Variants in FBXL17 observed in about 807,000 individuals in gnomAD.
The protein encoded by FBXL17 is F-box and leucine rich repeat protein 17.
In FBXL17, 22 loss-of-function variants were observed where a neutral mutation model predicts 66.2. The observed-to-expected ratio is 0.33, with a 90% CI of 0.24 to 0.47. The LOEUF (loss-of-function observed/expected upper bound fraction) is 0.47. Among genes scored for constraint, FBXL17 ranks in the 20% least tolerant of loss-of-function variants. The probability of loss-of-function intolerance (pLI) is 1.00; values close to 1 mark genes in which losing one functional copy is unlikely to be tolerated. For synonymous variants in FBXL17, 474 were observed against 400.5 expected (o/e 1.18, Z -2.19); for missense variants, 878 against 948.2 (o/e 0.93, Z 0.97).
chr5:108,272,868 T>C (rs560503950), intron 4 of FBXL17, among the ~76,000 whole-genome samples: 31 of 152,340 alleles, frequency 2.0e-4, no homozygotes, highest in Middle Eastern at 3.4e-3. Flanking sequence ...GAGTATGGTA[T>C]GAAAAACATA....
At chr5:108,222,577 A>C (rs769081484) in intron 5 of FBXL17, among the ~76,000 whole-genome samples, 1 of 152,082 alleles carries the variant, frequency 6.6e-6, no homozygotes, top group Non-Finnish European at 1.5e-5. Context: ...CTACAACCAC[A>C]GGCTCTCTTT....
chr5:108,287,315 C>A (rs908492326), intron 4 of FBXL17, among the ~76,000 whole-genome samples: 1 of 151,972 alleles, frequency 6.6e-6, no homozygotes, highest in Non-Finnish European at 1.5e-5. Flanking sequence ...AAACTACTGA[C>A]AGAGTAAACA....
intron 6 of FBXL17, among the ~76,000 whole-genome samples, chr5:108,036,093 C>G (rs1746830417): frequency 6.6e-6 from 1 of 152,194 alleles, no homozygotes; most frequent in Admixed American, 6.5e-5. Flanking sequence ...GCTGACCGTA[C>G]TGGCACCAGT....
At chr5:108,229,620 G>T (rs139901635) in intron 4 of FBXL17, among the ~76,000 whole-genome samples, 2,335 of 152,258 alleles carry the variant, frequency 0.015, 68 homozygotes, top group African/African-American at 0.052. Context: ...AATTCTAGAA[G>T]ATAACATCGG....
rs141341459 is a variant in FBXL17, at chr5:108,119,068, C to T, written c.1745+67049G>A. ...CAAATTGCTGCAATTATTTGCTTTA[C>T]ATAGCTGCCATACCCACTAAGACTG... is the stretch of plus-strand genomic sequence containing the variant. On this transcript the variant is annotated intron_variant, in intron 6 of 8. Transcript: ENST00000542267. Among the ~76,000 whole-genome samples, 24 of 152,252 alleles carry T rather than the reference C, an allele frequency of 1.6e-4. No individual in the cohort carries two copies. The Middle Eastern group carries it at 0.01, about 65-fold the overall frequency.
chr5:108,166,413 A>G (rs1342357534), intron 6 of FBXL17, among the ~76,000 whole-genome samples: 6 of 152,212 alleles, frequency 3.9e-5, no homozygotes, highest in Non-Finnish European at 1.5e-5. Flanking sequence ...ACACCTCTGT[A>G]TTTTAACATA....
At chr5:108,176,089 C>T (rs1259482288) in intron 6 of FBXL17, among the ~76,000 whole-genome samples, 1 of 152,128 alleles carries the variant, frequency 6.6e-6, no homozygotes, top group African/African-American at 2.4e-5. Context: ...TTTGTCCAAG[C>T]AGTCAATAAG....
chr5:107,980,664 A>ATATATATATATATATTTTTTTTTTTT, intron 7 of FBXL17, among the ~76,000 whole-genome samples: 21 of 62,028 alleles, frequency 3.4e-4, no homozygotes, highest in Non-Finnish European at 4.9e-4. Context: ...ATATATATAT[A>ATATATATATATATATTTTTTTTTTTT]TTTTTTTTTT....
chr5:108,310,261 T>C (rs1759053307), intron 4 of FBXL17, among the ~76,000 whole-genome samples: 1 of 152,172 alleles, frequency 6.6e-6, no homozygotes, highest in African/African-American at 2.4e-5. Context: ...AGGACTGCAA[T>C]GCTAAGAGAA....
intron 4 of FBXL17, among the ~76,000 whole-genome samples, chr5:108,226,289 A>G (rs1240184830): frequency 6.6e-6 from 1 of 152,222 alleles, no homozygotes; most frequent in African/African-American, 2.4e-5. Flanking sequence ...ATCGGCACCT[A>G]GAATAATCCC....
intron 7 of FBXL17, among the ~76,000 whole-genome samples, chr5:107,992,059 A>G (rs1216792023): frequency 6.6e-6 from 1 of 151,176 alleles, no homozygotes; most frequent in Non-Finnish European, 1.5e-5. Context: ...TGAGATAAAA[A>G]TTATACATGC....
At chr5:108,102,890 A>T (rs1182278226) in intron 6 of FBXL17, among the ~76,000 whole-genome samples, 1 of 152,110 alleles carries the variant, frequency 6.6e-6, no homozygotes, top group Admixed American at 6.5e-5. Context: ...TTCTCATGGC[A>T]TTTTTTTCTG....
intron 7 of FBXL17, among the ~76,000 whole-genome samples, chr5:107,965,019 C>T (rs79522323): frequency 0.011 from 1,622 of 152,090 alleles, 10 homozygotes; most frequent in African/African-American, 0.017. Context: ...AGTGTTTTAC[C>T]GCATTTGACA....
chr5:108,260,550 A>G (rs1055677602), intron 4 of FBXL17, among the ~76,000 whole-genome samples: 2 of 152,236 alleles, frequency 1.3e-5, no homozygotes, highest in Non-Finnish European at 2.9e-5. Flanking sequence ...GCCAGGCAAC[A>G]TCGTATTACA....
intron 7 of FBXL17, among the ~76,000 whole-genome samples, chr5:107,948,551 C>T (rs1386202079): frequency 6.6e-6 from 1 of 152,190 alleles, no homozygotes; most frequent in East Asian, 1.9e-4. Context: ...TCTGGCTATT[C>T]TCCAATCTCC....
chr5:108,317,916 T>C (rs1217867984), intron 4 of FBXL17, among the ~76,000 whole-genome samples: 1 of 151,616 alleles, frequency 6.6e-6, no homozygotes, highest in East Asian at 1.9e-4. Flanking sequence ...CTACTATTTT[T>C]ATTAGAATTC....
intron 6 of FBXL17, among the ~76,000 whole-genome samples, chr5:108,065,139 CAT>C (rs1038143691): frequency 1.1e-4 from 17 of 151,834 alleles, no homozygotes; most frequent in South Asian, 6.2e-4. Context: ...AAATATATGC[CAT>C]GTGTGTGTAT....
intron 6 of FBXL17, among the ~76,000 whole-genome samples, chr5:108,155,274 T>C (rs921968563): frequency 1.1e-4 from 16 of 152,086 alleles, no homozygotes; most frequent in African/African-American, 3.9e-4. Context: ...CCCAGTACTT[T>C]GGGAGGTTGA....
intron 5 of FBXL17, among the ~76,000 whole-genome samples, chr5:108,193,103 A>G (rs1299470430): frequency 6.6e-6 from 1 of 152,252 alleles, no homozygotes; most frequent in African/African-American, 2.4e-5. Flanking sequence ...CCAGTACTGC[A>G]CATATTGACT....
Sources: allele counts gnomAD v4.1 joint callset (sites outside exome capture counted in the v4.1 genomes callset), GRCh38; gene constraint gnomAD v4.1.1; transcripts MANE v1.5; gene names NCBI Gene and HGNC (gene_info 2026-07-23, HGNC 2026-07-21).